Variants in CYFIP2 observed in about 807,000 individuals in gnomAD.
CYFIP2 encodes cytoplasmic FMR1 interacting protein 2.
CYFIP2 carries 29 observed loss-of-function variants against 158.7 expected under a neutral mutation model. The ratio of observed to expected loss-of-function variants is 0.18; its 90% confidence interval spans 0.14 to 0.25. The LOEUF is 0.25. Among genes scored for constraint, CYFIP2 ranks in the 10% least tolerant of loss-of-function variants. CYFIP2 has a pLI of 1.00. For synonymous variants in CYFIP2, 585 were observed against 617.6 expected (o/e 0.95, Z 0.78); for missense variants, 852 against 1,639.5 (o/e 0.52, Z 8.29).
chr5:157,309,983 C>T (rs1178426985), intron 10 of CYFIP2, 149 bp downstream of exon 10: 1 of 737,634 alleles, frequency 1.4e-6, no homozygotes, highest in Non-Finnish European at 2.2e-6. Flanking sequence ...AGGGGAGCCG[C>T]GAGGGTGCTC....
At chr5:157,327,394 G>A (rs138124958) in intron 18 of CYFIP2, among the ~76,000 whole-genome samples, 1,886 of 151,954 alleles carry the variant, frequency 0.012, 22 homozygotes, top group South Asian at 0.022. Context: ...GTGAAACCCC[G>A]TCTCTACTAA....
intron 26 of CYFIP2, among the ~76,000 whole-genome samples, chr5:157,371,983 T>C (rs1215403617): frequency 6.6e-6 from 1 of 152,188 alleles, no homozygotes; most frequent in Admixed American, 6.5e-5. Flanking sequence ...TACTGAATCA[T>C]AACTTTTACT....
intron 1 of CYFIP2, among the ~76,000 whole-genome samples, chr5:157,267,628 A>G (rs1755714238): frequency 6.6e-6 from 1 of 152,238 alleles, no homozygotes; most frequent in South Asian, 2.1e-4. Flanking sequence ...GATTGTGTTT[A>G]TCTTGAAGAG....
chr5:157,307,661 G>GTA, intron 8 of CYFIP2, 100 bp from the exon 9 acceptor site: 3 of 638,896 alleles, frequency 4.7e-6, no homozygotes, highest in East Asian at 2.8e-5. Flanking sequence ...GTGTGTATGT[G>GTA]TGTGTGTGTG....
chr5:157,379,347 C>G (rs965677777), intron 26 of CYFIP2, among the ~76,000 whole-genome samples: 1 of 151,966 alleles, frequency 6.6e-6, no homozygotes, highest in Non-Finnish European at 1.5e-5. Flanking sequence ...GAGGAAATTA[C>G]CCCATAAATT....
rs1418922914 is a variant in CYFIP2, at chr5:157,333,398, G to A, written c.2337G>A (p.Leu779=). 1.2e-6 allele frequency: 2 copies of A among 1,613,806 alleles called. No individual in the cohort carries two copies. The highest frequency in any genetic ancestry group is 2.2e-5 in the South Asian group (2 of 91,082). Residue 779 remains leucine, a synonymous_variant, in exon 21 of 31, where the codon TTG becomes TTA. Transcript: ENST00000620254. ...TCTCTGCCGCCATGTATAAATCCTTGGACCAAGCTATCAGCCGCTTTGAGA... is the reference window on the plus strand; with the variant it reads ...TCTCTGCCGCCATGTATAAATCCTTAGACCAAGCTATCAGCCGCTTTGAGA... ...QRISAAMYKS[L]DQAISRFESE...
rs150169085 is a variant in CYFIP2, at chr5:157,293,301, C to T, written c.208-1482C>T. 1.7e-4 allele frequency among the ~76,000 whole-genome samples: 26 copies of T among 152,224 alleles called. No individual in the cohort carries two copies. In the East Asian group the frequency reaches 3.1e-3, roughly 18 times the overall value. On this transcript the variant is annotated intron_variant, in intron 3 of 30. Transcript: ENST00000620254. Reference sequence around the variant, plus strand: ...GAACTCCTGACCTCAGATGATCCACCGGCTTCAGCCTTTCAAAGTGCTAGG... The same window carrying T: ...GAACTCCTGACCTCAGATGATCCACTGGCTTCAGCCTTTCAAAGTGCTAGG...
rs574422665 is a variant in CYFIP2 at position 157,327,899 on chromosome 5, G to C, written c.2080-74G>C. 79 of 1,439,556 alleles carry C rather than the reference G, an allele frequency of 5.5e-5. No individual in the cohort carries two copies. In the East Asian group the frequency reaches 1.8e-3, roughly 33 times the overall value. 89.2% of individuals were successfully genotyped at this position (1,439,556 alleles called of 1,614,324 possible). A position where few individuals can be genotyped will look rare whatever the true frequency, so the allele number is the denominator to read the frequency against. On this transcript the variant is annotated intron_variant, in intron 18 of 30. Coordinates refer to ENST00000620254, the MANE Select transcript of CYFIP2 (RefSeq NM_001037333.3). ...CTCTGGGCAATCCTGCCTGACTGCT[G>C]TCTTTCAGTTGGCTCAGTTTCTGTC...
intron 1 of CYFIP2, among the ~76,000 whole-genome samples, chr5:157,278,945 T>A (rs1298647654): frequency 6.6e-6 from 1 of 152,252 alleles, no homozygotes; most frequent in African/African-American, 2.4e-5. Context: ...TGATGTTAAC[T>A]AATCATTTAT....
intron 3 of CYFIP2, among the ~76,000 whole-genome samples, chr5:157,287,992 C>A (rs1008518597): frequency 2.6e-5 from 4 of 152,066 alleles, no homozygotes; most frequent in African/African-American, 9.7e-5. Context: ...ACGTGGGAGG[C>A]TCAGGTGGGA....
chr5:157,346,093 G>A (rs1035567542), intron 23 of CYFIP2, among the ~76,000 whole-genome samples: 1 of 150,696 alleles, frequency 6.6e-6, no homozygotes, highest in South Asian at 2.1e-4. Flanking sequence ...TGACTCATGT[G>A]CCATTACATA....
At chr5:157,307,678 A>G in intron 8 of CYFIP2, 83 bp from the exon 9 acceptor site, 1 of 563,946 alleles carries the variant, frequency 1.8e-6, no homozygotes, top group Non-Finnish European at 3.2e-6. Flanking sequence ...TGTGTGTGAC[A>G]CATATACAGA....
intron 18 of CYFIP2, 166 bp from the exon 19 acceptor site, chr5:157,327,805 AGG>A: frequency 1.6e-6 from 1 of 619,482 alleles, no homozygotes; most frequent in Non-Finnish European, 2.9e-6. Flanking sequence ...CCTGAGAGCA[AGG>A]GACCAAATCT....
At chr5:157,320,543 A>G in intron 14 of CYFIP2, 112 bp from the exon 15 acceptor site, 2 of 1,401,510 alleles carry the variant, frequency 1.4e-6, no homozygotes, top group Non-Finnish European at 1.9e-6. Flanking sequence ...CAAGCACCCC[A>G]AGAATTCAAA....
rs1174352026 is a variant in CYFIP2 at position 157,266,665 on chromosome 5, CGCCT to C, written c.-24+472_-24+475del. 1.3e-5 allele frequency: 2 copies of C among 152,594 alleles called. No individual in the cohort carries two copies. Among genetic ancestry groups the C allele is most frequent in the Admixed American group, 1.3e-4 (2 of 15,292 alleles). The allele number at this position is 152,594 out of a possible 1,614,324, so 9.5% of individuals were successfully genotyped here. A position where few individuals can be genotyped will look rare whatever the true frequency, so the allele number is the denominator to read the frequency against. On this transcript the variant is annotated intron_variant, in intron 1 of 30. Coordinates refer to ENST00000620254, the MANE Select transcript of CYFIP2 (RefSeq NM_001037333.3). The surrounding 1 kb of genome is among the most constrained non-coding windows in gnomAD (Gnocchi z 4.2). The stretch of plus-strand genomic sequence containing the variant: ...AGGGCCAGCGAGAGCCGCCTGGGCC[CGCCT>C]GGCAGCCGCCTCGGGCACACAGAAC...
intron 26 of CYFIP2, among the ~76,000 whole-genome samples, chr5:157,377,814 C>G (rs1223311931): frequency 6.6e-6 from 1 of 152,150 alleles, no homozygotes; most frequent in Non-Finnish European, 1.5e-5. Context: ...ATATAGAGAA[C>G]GTGCAGGTCC....
intron 28 of CYFIP2, among the ~76,000 whole-genome samples, chr5:157,385,938 C>T (rs770373525): frequency 9.9e-5 from 15 of 152,000 alleles, no homozygotes; most frequent in Admixed American, 3.3e-4. Context: ...TGGATAAAAG[C>T]TATGTTAAAC....
chr5:157,279,773 G>A, intron 1 of CYFIP2, among the ~76,000 whole-genome samples: 1 of 152,214 alleles, frequency 6.6e-6, no homozygotes, highest in Non-Finnish European at 1.5e-5. Context: ...TTTTCAAAAT[G>A]ATGAAATGGT....
rs572932413 is a variant in CYFIP2, at chr5:157,351,570, C to T, written c.2674-7435C>T. 4.6e-5 allele frequency among the ~76,000 whole-genome samples: 7 copies of T among 152,240 alleles called. No individual in the cohort carries two copies. In the South Asian group the frequency reaches 6.2e-4, roughly 14 times the overall value. On this transcript the variant is annotated intron_variant, in intron 23 of 30. Transcript: ENST00000620254. ...CGGCCTTCTTATCACCATTGTACAA[C>T]GGGAGAGACTGAAGCTCAGCGGGGC... is the stretch of plus-strand genomic sequence containing the variant.
Sources: gnomAD v4.1 joint callset for allele counts (sites outside exome capture counted in the v4.1 genomes callset) on GRCh38, gnomAD v4.1.1 for gene constraint, Gnocchi (gnomAD v3.1) non-coding constraint, MANE v1.5 for transcripts, NCBI Gene and HGNC (gene_info 2026-07-23, HGNC 2026-07-21) for gene names.